MDGA2: variants seen among roughly 807,000 people sequenced by gnomAD.
MDGA2 encodes MAM domain-containing glycosylphosphatidylinositol anchor protein 2.
MDGA2 carries 40 observed loss-of-function variants against 117.8 expected under a neutral mutation model. That is an observed-to-expected ratio of 0.34 (90% CI 0.26 to 0.44). The LOEUF (loss-of-function observed/expected upper bound fraction) is 0.44. Among genes scored for constraint, MDGA2 ranks in the 20% least tolerant of loss-of-function variants. MDGA2 has a pLI of 1.00. For synonymous variants in MDGA2, 452 were observed against 439.0 expected, an observed-to-expected ratio of 1.03 and a Z score of -0.37; for missense variants, 1,123 against 1,250.6, an observed-to-expected ratio of 0.90 and a Z score of 1.54.
At chr14:47,120,133 A>G (rs1881573500) in intron 5 of MDGA2, among the ~76,000 whole-genome samples, 1 of 152,190 alleles carries the variant, frequency 6.6e-6, no homozygotes, top group South Asian at 2.1e-4. Flanking sequence ...CAATGTCATA[A>G]TGCCAAATCA....
chr14:47,286,713 G>C (rs1362181422), intron 2 of MDGA2, among the ~76,000 whole-genome samples: 3 of 150,876 alleles, frequency 2.0e-5, no homozygotes, highest in African/African-American at 4.9e-5. Context: ...TTACCCTCCA[G>C]AGCAGGACAC....
At chr14:47,076,560 A>ATGTG (rs145260703) in intron 6 of MDGA2, among the ~76,000 whole-genome samples, 5,967 of 147,140 alleles carry the variant, frequency 0.041, 130 homozygotes, top group South Asian at 0.056. Context: ...AGTGTGTGTT[A>ATGTG]TGTGTGTGTG....
At chr14:46,858,097 G>T (rs1423506987) in intron 14 of MDGA2, among the ~76,000 whole-genome samples, 1 of 150,840 alleles carries the variant, frequency 6.6e-6, no homozygotes. Flanking sequence ...TGATATTCTT[G>T]TATAGGTCAT....
Position 46,995,740 on chromosome 14 carries a change from T to C in MDGA2, c.1820-38097A>G, listed in dbSNP as rs1594507899. On this transcript the variant is annotated intron_variant, in intron 8 of 16. Transcript: ENST00000399232. ...ACACTTAAAATAAGGAAAAGATTAG[T>C]ATAAGAAAATTATCAAATGTTTGTA... 4.6e-5 allele frequency among the ~76,000 whole-genome samples: 7 copies of C among 152,138 alleles called. 1 individual carries two copies. The Middle Eastern group carries it at 0.021, about 447-fold the overall frequency.
At chr14:47,616,568 T>C (rs926773528) in intron 1 of MDGA2, among the ~76,000 whole-genome samples, 3 of 152,128 alleles carry the variant, frequency 2.0e-5, no homozygotes, top group Admixed American at 1.3e-4. Context: ...CTCCTGTGAA[T>C]TACTGGGTCT....
intron 9 of MDGA2, among the ~76,000 whole-genome samples, chr14:46,949,722 T>C (rs972556564): frequency 6.6e-6 from 1 of 151,998 alleles, no homozygotes; most frequent in Non-Finnish European, 1.5e-5. Context: ...ATTCCTCATA[T>C]ATATACCACA....
chr14:47,664,035 G>T (rs1022867635), intron 1 of MDGA2, among the ~76,000 whole-genome samples: 3 of 151,982 alleles, frequency 2.0e-5, no homozygotes, highest in Non-Finnish European at 2.9e-5. Context: ...ATGTTCTCTG[G>T]AGCTCTCAAA....
At chr14:47,635,438 C>T (rs1244221116) in intron 1 of MDGA2, among the ~76,000 whole-genome samples, 1 of 152,026 alleles carries the variant, frequency 6.6e-6, no homozygotes, top group African/African-American at 2.4e-5. Flanking sequence ...TAACACAGAG[C>T]AGATGGTTTA....
intron 9 of MDGA2, among the ~76,000 whole-genome samples, chr14:46,938,260 TG>T (rs1195637404): frequency 6.6e-6 from 1 of 151,888 alleles, no homozygotes; most frequent in African/African-American, 2.4e-5. Context: ...ATCATCCGGC[TG>T]GGCATGGTGG....
At chr14:46,902,516 C>A (rs2138451313) in intron 10 of MDGA2, among the ~76,000 whole-genome samples, 1 of 152,128 alleles carries the variant, frequency 6.6e-6, no homozygotes, top group African/African-American at 2.4e-5. Context: ...AATCTTATTT[C>A]CTTCCAAAAT....
intron 6 of MDGA2, among the ~76,000 whole-genome samples, chr14:47,079,697 G>C (rs1051881448): frequency 2.0e-5 from 2 of 101,722 alleles, no homozygotes; most frequent in African/African-American, 3.6e-5. Flanking sequence ...CAAATATACT[G>C]TGTTATTTGT....
intron 3 of MDGA2, among the ~76,000 whole-genome samples, chr14:47,172,471 GA>G (rs540733207): frequency 1.3e-5 from 2 of 152,120 alleles, no homozygotes; most frequent in Non-Finnish European, 2.9e-5. Flanking sequence ...AACGATCAGA[GA>G]GCAGCATTCG....
intron 1 of MDGA2, among the ~76,000 whole-genome samples, chr14:47,591,714 C>T (rs1896442818): frequency 6.6e-6 from 1 of 151,966 alleles, no homozygotes; most frequent in African/African-American, 2.4e-5. Flanking sequence ...CAGAAAGAGC[C>T]TTCAATAAAA....
At chr14:47,199,803 T>C (rs1246426369) in intron 3 of MDGA2, among the ~76,000 whole-genome samples, 1 of 152,184 alleles carries the variant, frequency 6.6e-6, no homozygotes, top group African/African-American at 2.4e-5. Flanking sequence ...AATATAAAGA[T>C]GGATTTGATA....
chr14:47,430,456 T>G (rs1188754849), intron 1 of MDGA2, among the ~76,000 whole-genome samples: 1 of 152,120 alleles, frequency 6.6e-6, no homozygotes, highest in Non-Finnish European at 1.5e-5. Context: ...GATCTGCGTT[T>G]CTCATACTTC....
At chr14:47,272,006 C>T (rs1160179941) in intron 2 of MDGA2, among the ~76,000 whole-genome samples, 8 of 152,190 alleles carry the variant, frequency 5.3e-5, no homozygotes, top group Non-Finnish European at 8.8e-5. Context: ...CCTTTACATG[C>T]TATTATTTCA....
At chr14:47,602,179 A>T (rs571566378) in intron 1 of MDGA2, among the ~76,000 whole-genome samples, 6 of 152,292 alleles carry the variant, frequency 3.9e-5, no homozygotes, top group African/African-American at 1.4e-4. Flanking sequence ...TCTACCAGCA[A>T]TGTAATGTTT....
At chr14:47,212,237 T>G (rs1885911350) in intron 3 of MDGA2, among the ~76,000 whole-genome samples, 1 of 152,146 alleles carries the variant, frequency 6.6e-6, no homozygotes, top group Admixed American at 6.5e-5. Context: ...TTAGTCAACT[T>G]TATTTGGTGT....
Position 47,100,920 on chromosome 14 carries a change from T to C in MDGA2, c.926-3797A>G, listed in dbSNP as rs78912106. Among the ~76,000 whole-genome samples the C allele has an allele frequency of 1.4e-3, 212 of 152,232 alleles. 1 individual carries two copies. Among genetic ancestry groups the C allele is most frequent in the African/African-American group, 4.9e-3 (205 of 41,564 alleles). The stretch of plus-strand genomic sequence containing the variant: ...AAAATGACTATGGTGCCAGTCAGAA[T>C]ACCAGGCTGGTAGTCTTCCAACATG... On this transcript the variant is annotated intron_variant, in intron 5 of 16. Transcript: ENST00000399232.
Sources: gnomAD v4.1 joint callset for allele counts (sites outside exome capture counted in the v4.1 genomes callset) on GRCh38, gnomAD v4.1.1 for gene constraint, MANE v1.5 for transcripts, NCBI Gene and HGNC (gene_info 2026-07-23, HGNC 2026-07-21) for gene names.